The following RAP1B variants were observed in gnomAD, a reference collection of about 807,000 sequenced individuals.
RAP1B encodes ras-related protein Rap-1b.
RAP1B carries 1 observed loss-of-function variant against 27.5 expected under a neutral mutation model. The ratio of observed to expected loss-of-function variants is 0.04; its 90% CI spans 0.01 to 0.17. The LOEUF (loss-of-function observed/expected upper bound fraction) is 0.17. Ranked by LOEUF, RAP1B falls within the 10% of genes least tolerant of loss-of-function variation. The pLI is 1.00. For missense variants in RAP1B, 84 were observed against 214.8 expected, an observed-to-expected ratio of 0.39 and a Z score of 3.81; for synonymous variants, 75 against 73.1, an observed-to-expected ratio of 1.03 and a Z score of -0.13.
At chr12:68,657,846 C>A (rs1366936999) in intron 7 of RAP1B, 4 of 156,630 alleles carry the variant, frequency 2.6e-5, no homozygotes, top group South Asian at 1.8e-4. Context: ...ACACACACAC[C>A]CCTGACATGT....
At chr12:68,614,329 A>G (rs750690584) in intron 1 of RAP1B, among the ~76,000 whole-genome samples, 8 of 152,226 alleles carry the variant, frequency 5.3e-5, no homozygotes, top group Non-Finnish European at 8.8e-5. Context: ...ACTATCACAC[A>G]GATCTTACTG....
At chr12:68,627,164 A>C in intron 1 of RAP1B, 1 of 1,563,070 alleles carries the variant, frequency 6.4e-7, no homozygotes, top group Non-Finnish European at 8.7e-7. Context: ...TCCCAAAGGC[A>C]CCTCGCATGC....
At chr12:68,614,338 T>G (rs1870827328) in intron 1 of RAP1B, among the ~76,000 whole-genome samples, 1 of 152,264 alleles carries the variant, frequency 6.6e-6, no homozygotes, top group South Asian at 2.1e-4. Context: ...CAGATCTTAC[T>G]GATTTGCCTC....
At chr12:68,644,813 C>G (rs1873284843) in intron 1 of RAP1B, among the ~76,000 whole-genome samples, 1 of 150,962 alleles carries the variant, frequency 6.6e-6, no homozygotes, top group African/African-American at 2.4e-5. Context: ...CTCAGCCTTC[C>G]GAGTAAGTAG....
At chr12:68,644,039 A>G (rs191352820) in intron 1 of RAP1B, among the ~76,000 whole-genome samples, 2 of 152,150 alleles carry the variant, frequency 1.3e-5, no homozygotes, top group African/African-American at 2.4e-5. Context: ...TAGGCTGTCA[A>G]AATTACAGTC....
At position 68,611,462 on chromosome 12, in the gene RAP1B, C is replaced by T. The variant is rs141807230; in HGVS notation, c.-27+419C>T. Among the ~76,000 whole-genome samples the T allele has an allele frequency of 4.0e-5, 6 of 151,160 alleles. No individual in the cohort carries two copies. The East Asian group carries it at 9.8e-4, about 25-fold the overall frequency. On this transcript the variant is annotated intron_variant, in intron 1 of 7. Transcript: ENST00000250559. ...CCCCGCCCCGAGCCCCCTCGCTTGTCGCCTGGGTTCCCTCCGTGGTATGGG... is the reference window on the plus strand; with the variant it reads ...CCCCGCCCCGAGCCCCCTCGCTTGTTGCCTGGGTTCCCTCCGTGGTATGGG...
Position 68,663,615 on chromosome 12 carries a change from T to A in RAP1B, c.*4366T>A, listed in dbSNP as rs550829272. 2.0e-5 allele frequency: 3 copies of A among 152,272 alleles called. No individual in the cohort carries two copies. Among genetic ancestry groups the A allele is most frequent in the African/African-American group, 7.2e-5 (3 of 41,562 alleles). The allele number at this position is 152,272 out of a possible 1,614,324, so 9.4% of individuals were successfully genotyped here. A position where few individuals can be genotyped will look rare whatever the true frequency, so the allele number is the denominator to read the frequency against. On this transcript the variant is annotated 3_prime_UTR_variant, in exon 8 of 8. Coordinates refer to ENST00000250559, the MANE Select transcript of RAP1B (RefSeq NM_001010942.3). ...CTGTATTCTAAATGCTGCCATTTTT[T>A]AAAAAAAGTATTCCATGTTACACAC...
chr12:68,626,169 C>T (rs1871761668), intron 1 of RAP1B, among the ~76,000 whole-genome samples: 1 of 152,108 alleles, frequency 6.6e-6, no homozygotes, highest in African/African-American at 2.4e-5. Context: ...AAGCACCACC[C>T]CACTTAAGCA....
chr12:68,642,935 A>T (rs778252268), intron 1 of RAP1B: 10 of 883,638 alleles, frequency 1.1e-5, no homozygotes, highest in Non-Finnish European at 1.8e-5. Flanking sequence ...GTTCTGGGGT[A>T]TGATCTCTGC....
chr12:68,660,737 T>A lies in RAP1B; in HGVS notation c.*1488T>A, dbSNP rs200487389. 1.3e-5 allele frequency: 2 copies of A among 152,210 alleles called. No homozygotes were observed. The highest frequency in any genetic ancestry group is 1.9e-4 in the East Asian group (1 of 5,206). The allele number at this position is 152,210 out of a possible 1,614,324, so 9.4% of individuals were successfully genotyped here. On this transcript the variant is annotated 3_prime_UTR_variant, in exon 8 of 8. Coordinates refer to ENST00000250559, the MANE Select transcript of RAP1B (RefSeq NM_001010942.3). ...TCCACATAACCACCTTTTGAACTTT[T>A]CCTTGAGAAATAATTTTGTAAATCA...
At chr12:68,632,129 G>GTTTTTTTTTGTTTTTTTTTTTTTT (rs1872288247) in intron 1 of RAP1B, among the ~76,000 whole-genome samples, 2 of 104,386 alleles carry the variant, frequency 1.9e-5, no homozygotes, top group African/African-American at 8.6e-5. Flanking sequence ...TTTTGGATTT[G>GTTTTTTTTTGTTTTTTTTTTTTTT]TTTTTTTTTT....
intron 1 of RAP1B, among the ~76,000 whole-genome samples, chr12:68,638,662 CT>C (rs910083551): frequency 6.6e-6 from 1 of 151,640 alleles, no homozygotes; most frequent in Non-Finnish European, 1.5e-5. Flanking sequence ...AGGAATCTAA[CT>C]TTTTTTTGTT....
intron 1 of RAP1B, among the ~76,000 whole-genome samples, chr12:68,620,144 C>T (rs1871291133): frequency 6.8e-6 from 1 of 147,554 alleles, no homozygotes; most frequent in Admixed American, 6.8e-5. Flanking sequence ...TAGAATGATC[C>T]TTTTTTTACC....
chr12:68,642,960 C>T (rs1417761816), intron 1 of RAP1B: 1 of 839,848 alleles, frequency 1.2e-6, no homozygotes, highest in Non-Finnish European at 2.1e-6. Context: ...GCTACTCAGT[C>T]AGTGGTTTTT....
At chr12:68,627,179 T>C in intron 1 of RAP1B, 1 of 1,552,778 alleles carries the variant, frequency 6.4e-7, no homozygotes, top group South Asian at 1.1e-5. Flanking sequence ...GCATGCCTGT[T>C]TGGAACCTAC....
intron 1 of RAP1B, among the ~76,000 whole-genome samples, chr12:68,633,381 GATAGACA>G (rs1408832172): frequency 1.3e-5 from 2 of 152,138 alleles, no homozygotes; most frequent in Admixed American, 6.6e-5. Context: ...GTTCTTTATA[GATAGACA>G]ATTGTTCTCT....
In RAP1B at chr12:68,623,030, A is replaced by G. The variant is rs374045787; in HGVS notation, c.-27+11987A>G. ...AACTAATTTTTAAAGTTTTATATCT[A>G]TGTCCAACTATAATTCCTCATTTTT... On this transcript the variant is annotated intron_variant, in intron 1 of 7. Transcript: ENST00000250559. Among the ~76,000 whole-genome samples, 52 of 152,296 alleles carry G rather than the reference A, an allele frequency of 3.4e-4. No individual in the cohort carries two copies. The South Asian group carries it at 9.9e-3, about 29-fold the overall frequency.
intron 1 of RAP1B, among the ~76,000 whole-genome samples, chr12:68,646,329 A>G (rs1450339992): frequency 6.6e-6 from 1 of 151,420 alleles, no homozygotes; most frequent in Non-Finnish European, 1.5e-5. Context: ...GGAGTGTTGC[A>G]GTCTCACCGG....
chr12:68,643,084 A>G (rs1205235647), intron 1 of RAP1B: 1 of 642,630 alleles, frequency 1.6e-6, no homozygotes, highest in African/African-American at 1.8e-5. Flanking sequence ...TTTCTTTCAG[A>G]GTTTTTCTGT....
Sources: gnomAD v4.1 joint callset for allele counts (sites outside exome capture counted in the v4.1 genomes callset) on GRCh38, gnomAD v4.1.1 for gene constraint, MANE v1.5 for transcripts, NCBI Gene and HGNC (gene_info 2026-07-23, HGNC 2026-07-21) for gene names.